Variants in ZMYND11 observed in about 807,000 individuals in gnomAD.
ZMYND11 encodes the protein zinc finger MYND domain-containing protein 11.
Under a neutral mutation model 84.9 loss-of-function variants are expected in ZMYND11, and 9 were observed. The observed-to-expected ratio is 0.11, with a 90% CI of 0.06 to 0.18. ZMYND11 has a LOEUF of 0.18. Ranked by LOEUF, ZMYND11 falls within the 10% of genes least tolerant of loss-of-function variation. The probability of loss-of-function intolerance (pLI) is 1.00; values close to 1 mark genes in which losing one functional copy is unlikely to be tolerated. For synonymous variants in ZMYND11, 250 were observed against 244.1 expected (o/e 1.02, Z -0.23); for missense variants, 409 against 761.0 (o/e 0.54, Z 5.44).
intron 4 of ZMYND11, among the ~76,000 whole-genome samples, chr10:225,421 G>A (rs150660281): frequency 9.9e-4 from 150 of 152,092 alleles, no homozygotes; most frequent in African/African-American, 3.4e-3. Flanking sequence ...CACAATCATG[G>A]CTCACTGCAG....
At chr10:178,717 T>C (rs1847193917) in intron 1 of ZMYND11, among the ~76,000 whole-genome samples, 1 of 152,242 alleles carries the variant, frequency 6.6e-6, no homozygotes, top group South Asian at 2.1e-4. Context: ...CTATTAGAAG[T>C]AATAGTGTGA....
rs1953853606 is a variant in ZMYND11, at chr10:253,347, C to T, written c.*877C>T. The T allele has an allele frequency of 6.6e-6, 1 of 152,564 alleles. No individual in the cohort carries two copies. The highest frequency in any genetic ancestry group is 2.4e-5 in the African/African-American group (1 of 41,418). The allele number at this position is 152,564 out of a possible 1,614,324, so 9.5% of individuals were successfully genotyped here. On this transcript the variant is annotated 3_prime_UTR_variant, in exon 15 of 15. Coordinates refer to ENST00000381604, the MANE Select transcript of ZMYND11 (RefSeq NM_001370100.5). ...TCCCTTCCCACATATCATCTCACTG[C>T]CTATTATCTGGTGTCACCTCATGTA...
At position 135,790 on chromosome 10, in the gene ZMYND11, A is replaced by C. The variant is rs1835853962; in HGVS notation, c.-20+231A>C. 2.7e-5 allele frequency among the ~76,000 whole-genome samples: 4 copies of C among 147,940 alleles called. No individual in the cohort carries two copies. The South Asian group carries it at 8.4e-4, about 31-fold the overall frequency. Reference sequence around the variant, plus strand: ...GCGAGGGCGGCGGCGGGGCCTGCGGAGGCTGCCGGCCCGCGCCCACTCGCC... The same window carrying C: ...GCGAGGGCGGCGGCGGGGCCTGCGGCGGCTGCCGGCCCGCGCCCACTCGCC... On this transcript the variant is annotated intron_variant, in intron 1 of 14. Transcript: ENST00000381604. The surrounding 1 kb of genome is among the most constrained non-coding windows in gnomAD (Gnocchi z 5.6).
At chr10:157,023 C>T (rs1841872770) in intron 1 of ZMYND11, among the ~76,000 whole-genome samples, 1 of 152,100 alleles carries the variant, frequency 6.6e-6, no homozygotes, top group African/African-American at 2.4e-5. Flanking sequence ...TTACAATTAA[C>T]ACTTAAGCAG....
chr10:162,559 A>G (rs921137086), intron 1 of ZMYND11, among the ~76,000 whole-genome samples: 3 of 152,032 alleles, frequency 2.0e-5, no homozygotes, highest in Admixed American at 1.3e-4. Flanking sequence ...AGGGTTTTTT[A>G]TATGAATGAA....
intron 1 of ZMYND11, among the ~76,000 whole-genome samples, chr10:179,510 T>C (rs960916321): frequency 2.6e-5 from 4 of 152,238 alleles, no homozygotes; most frequent in Admixed American, 6.5e-5. Flanking sequence ...TTAATGTTCA[T>C]GGTTTGATTT....
At position 252,065 on chromosome 10, in the gene ZMYND11, G is replaced by A. The variant is rs771255039; in HGVS notation, c.1687-283G>A. 7.9e-5 allele frequency among the ~76,000 whole-genome samples: 12 copies of A among 152,152 alleles called. No homozygotes were observed. Among genetic ancestry groups the A allele is most frequent in the Non-Finnish European group, 1.8e-4 (12 of 68,044 alleles). On this transcript the variant is annotated intron_variant, in intron 14 of 14. Transcript: ENST00000381604. This position sits in a 1 kb window ranked among gnomAD's most constrained non-coding sequence, Gnocchi z 4.6. Reference sequence around the variant, plus strand: ...GCTGGAAAGGGATGTGAAGTCAAGAGCATTTTAAGAAAAGAAACGGGAATG... The same window carrying A: ...GCTGGAAAGGGATGTGAAGTCAAGAACATTTTAAGAAAAGAAACGGGAATG...
intron 1 of ZMYND11, among the ~76,000 whole-genome samples, chr10:166,047 T>C (rs1300899394): frequency 1.3e-5 from 2 of 152,092 alleles, no homozygotes; most frequent in African/African-American, 4.8e-5. Context: ...ATAACTTGAT[T>C]TCCACATGTA....
intron 1 of ZMYND11, among the ~76,000 whole-genome samples, chr10:157,153 G>A (rs782379928): frequency 1.3e-5 from 2 of 152,096 alleles, no homozygotes; most frequent in Non-Finnish European, 2.9e-5. Flanking sequence ...AGCATAAAAG[G>A]TTTATATAAT....
rs1023481497 is a variant in ZMYND11 at position 246,242 on chromosome 10, T to C, written c.951-524T>C. The stretch of plus-strand genomic sequence containing the variant: ...AATGAGTAGAGGCATGATACAAATA[T>C]GACTTACTGGATAATATTTTTAGAT... On this transcript the variant is annotated intron_variant, in intron 10 of 14. Transcript: ENST00000381604. 7.9e-5 allele frequency among the ~76,000 whole-genome samples: 12 copies of C among 152,230 alleles called. No homozygotes were observed. In the South Asian group the frequency reaches 8.3e-4, roughly 10 times the overall value.
chr10:227,985 C>G (rs543100621), intron 4 of ZMYND11, among the ~76,000 whole-genome samples: 190 of 152,234 alleles, frequency 1.2e-3, no homozygotes, highest in African/African-American at 4.2e-3. Context: ...ATTTTTAAGA[C>G]AACTTATAAT....
chr10:236,815 T>C, intron 4 of ZMYND11, 23 bp from the exon 5 acceptor site: 1 of 1,595,468 alleles, frequency 6.3e-7, no homozygotes, highest in Non-Finnish European at 8.6e-7. Context: ...TTGTACCTTT[T>C]TTTATTCTTT....
intron 3 of ZMYND11, among the ~76,000 whole-genome samples, chr10:214,658 T>TTATTTCAAGAC (rs1367875827): frequency 6.6e-6 from 1 of 152,232 alleles, no homozygotes. Flanking sequence ...CAATGTTTTG[T>TTATTTCAAGAC]TATTTCAAGA....
intron 2 of ZMYND11, among the ~76,000 whole-genome samples, chr10:195,227 G>A (rs1424940576): frequency 6.6e-6 from 1 of 152,112 alleles, no homozygotes; most frequent in Non-Finnish European, 1.5e-5. Flanking sequence ...AAAGACTTTT[G>A]TAGACAAATA....
chr10:212,544 C>T (rs1018257785), intron 3 of ZMYND11, among the ~76,000 whole-genome samples: 15 of 151,314 alleles, frequency 9.9e-5, no homozygotes, highest in African/African-American at 3.6e-4. Flanking sequence ...ACAGGGGTTT[C>T]AGATCCAATT....
At chr10:145,960 A>G (rs1838729758) in intron 1 of ZMYND11, among the ~76,000 whole-genome samples, 1 of 152,078 alleles carries the variant, frequency 6.6e-6, no homozygotes, top group Non-Finnish European at 1.5e-5. Context: ...TGTCTAGACC[A>G]TTGTCCAGAA....
Position 206,629 on chromosome 10 carries a change from A to G in ZMYND11, c.117-3260A>G, listed in dbSNP as rs574420124. ...TTCATTTAGGTAGCATTTTTATGAT[A>G]TGCTTTTTCCCATTTGTTTTCAGTC... On this transcript the variant is annotated intron_variant, in intron 2 of 14. Transcript: ENST00000381604. Among the ~76,000 whole-genome samples the G allele has an allele frequency of 5.3e-5, 8 of 152,160 alleles. 1 individual carries two copies. Among genetic ancestry groups the G allele is most frequent in the African/African-American group, 1.9e-4 (8 of 41,520 alleles).
intron 2 of ZMYND11, among the ~76,000 whole-genome samples, chr10:183,840 A>C (rs193294278): frequency 6.6e-6 from 1 of 152,232 alleles, no homozygotes; most frequent in East Asian, 1.9e-4. Flanking sequence ...TCTGCTTGTT[A>C]TGAACAAGAT....
chr10:239,340 A>T, intron 6 of ZMYND11, 98 bp from the exon 7 acceptor site: 1 of 944,836 alleles, frequency 1.1e-6, no homozygotes, highest in Admixed American at 2.1e-5. Context: ...AGTCATCCTG[A>T]TGTCATCCTA....
Sources: allele counts gnomAD v4.1 joint callset (sites outside exome capture counted in the v4.1 genomes callset), GRCh38; gene constraint gnomAD v4.1.1; non-coding constraint Gnocchi (gnomAD v3.1); transcripts MANE v1.5; gene names NCBI Gene and HGNC (gene_info 2026-07-23, HGNC 2026-07-21).